Variants in FMN2 observed in about 807,000 individuals in gnomAD.
The protein encoded by FMN2 is formin 2, also known as formin-2.
FMN2 carries 51 observed loss-of-function variants against 142.3 expected under a neutral mutation model. The ratio of observed to expected loss-of-function variants is 0.36; its 90% CI spans 0.29 to 0.45. The LOEUF is 0.45. Ranked by LOEUF, FMN2 falls within the 20% of genes least tolerant of loss-of-function variation. The probability of loss-of-function intolerance (pLI) is 1.00; values close to 1 mark genes in which losing one functional copy is unlikely to be tolerated. For missense variants in FMN2, 1,936 were observed against 2,122.8 expected (o/e 0.91, Z 1.73); for synonymous variants, 882 against 869.8 (o/e 1.01, Z -0.25).
intron 1 of FMN2, among the ~76,000 whole-genome samples, chr1:240,109,826 G>C (rs2103192260): frequency 6.6e-6 from 1 of 152,224 alleles, no homozygotes; most frequent in Non-Finnish European, 1.5e-5. Context: ...TCTTCTACAA[G>C]AGTATGCCAG....
chr1:240,121,655 C>T (rs1662256623), intron 1 of FMN2, among the ~76,000 whole-genome samples: 1 of 138,718 alleles, frequency 7.2e-6, no homozygotes, highest in African/African-American at 2.7e-5. Flanking sequence ...TCCCAAAGTG[C>T]TGGGATTACA....
intron 8 of FMN2, among the ~76,000 whole-genome samples, chr1:240,310,414 A>G (rs1353603382): frequency 1.3e-5 from 2 of 152,160 alleles, no homozygotes; most frequent in African/African-American, 4.8e-5. Flanking sequence ...TTTGGCAGTG[A>G]GCTTTCTCTT....
rs1309189296 is a variant in FMN2, at chr1:240,302,438, CA to C, written c.4215+7562del. On this transcript the variant is annotated intron_variant, in intron 8 of 17. Transcript: ENST00000319653. Reference sequence around the variant, plus strand: ...GAATAAAAGAGATAACAAGGCAACTCAAAAAAAGTAAACTGGTATGTCCAAT... The same window carrying C: ...GAATAAAAGAGATAACAAGGCAACTCAAAAAAGTAAACTGGTATGTCCAAT... Among the ~76,000 whole-genome samples, 8 of 151,402 alleles carry C rather than the reference CA, an allele frequency of 5.3e-5. No individual in the cohort carries two copies. The East Asian group carries it at 1.5e-3, about 29-fold the overall frequency.
intron 13 of FMN2, among the ~76,000 whole-genome samples, chr1:240,346,667 T>C (rs1214411274): frequency 1.3e-5 from 2 of 152,216 alleles, no homozygotes; most frequent in African/African-American, 4.8e-5. Context: ...GTACATGTTA[T>C]GTATGCTCCG....
chr1:240,220,340 G>C (rs995980422), intron 6 of FMN2, among the ~76,000 whole-genome samples: 3 of 152,124 alleles, frequency 2.0e-5, no homozygotes, highest in Admixed American at 2.0e-4. Context: ...GAAGACCATA[G>C]TTCTCTGTCT....
chr1:240,342,213 G>A (rs754872643), intron 13 of FMN2, among the ~76,000 whole-genome samples: 1 of 152,160 alleles, frequency 6.6e-6, no homozygotes. Context: ...ATATGTTACC[G>A]TTCACTGCTC....
chr1:240,449,003 G>C (rs187856300), intron 16 of FMN2, among the ~76,000 whole-genome samples: 3 of 151,854 alleles, frequency 2.0e-5, no homozygotes, highest in East Asian at 1.9e-4. Context: ...TTAGTTGGGC[G>C]TGGTGGCGCC....
chr1:240,135,661 C>T (rs1234005079), intron 2 of FMN2, among the ~76,000 whole-genome samples: 2 of 150,062 alleles, frequency 1.3e-5, no homozygotes, highest in Admixed American at 6.6e-5. Context: ...CTATCATTTT[C>T]GAAAGGACTT....
At chr1:240,442,207 T>C (rs1216464414) in intron 16 of FMN2, among the ~76,000 whole-genome samples, 1 of 152,210 alleles carries the variant, frequency 6.6e-6, no homozygotes, top group Non-Finnish European at 1.5e-5. Flanking sequence ...TAGCTTTAAC[T>C]TCCCAGCTAG....
chr1:240,393,160 C>A (rs1673665781), intron 15 of FMN2, among the ~76,000 whole-genome samples: 1 of 121,896 alleles, frequency 8.2e-6, no homozygotes, highest in Admixed American at 8.7e-5. Flanking sequence ...CTGTGCTTTG[C>A]AGATAAGTGT....
At chr1:240,373,685 T>G (rs1446518806) in intron 14 of FMN2, among the ~76,000 whole-genome samples, 2 of 152,204 alleles carry the variant, frequency 1.3e-5, no homozygotes, top group Non-Finnish European at 1.5e-5. Context: ...CATTCTAGTT[T>G]TCTTGCTGTT....
At chr1:240,376,536 A>T (rs1173477749) in intron 14 of FMN2, among the ~76,000 whole-genome samples, 1 of 152,142 alleles carries the variant, frequency 6.6e-6, no homozygotes, top group Non-Finnish European at 1.5e-5. Flanking sequence ...GTTCGTACCT[A>T]TAGAATGTGT....
chr1:240,389,432 A>G (rs1572258455), intron 14 of FMN2, among the ~76,000 whole-genome samples: 2 of 152,248 alleles, frequency 1.3e-5, no homozygotes, highest in Admixed American at 6.5e-5. Context: ...TACACAGCCT[A>G]TAAAAGTTGT....
chr1:240,441,608 C>CTTTTTTT (rs371621331), intron 16 of FMN2, among the ~76,000 whole-genome samples: 4 of 125,130 alleles, frequency 3.2e-5, no homozygotes, highest in South Asian at 2.6e-4. Context: ...GCATATTGGT[C>CTTTTTTT]TTTTTTTTTT....
At chr1:240,271,116 T>TTTTTTTTTTG (rs1004220760) in intron 7 of FMN2, among the ~76,000 whole-genome samples, 1 of 147,846 alleles carries the variant, frequency 6.8e-6, no homozygotes, top group African/African-American at 2.5e-5. Context: ...TTTTTTTTTT[T>TTTTTTTTTTG]TGTGACTCTG....
chr1:240,276,781 G>A (rs7518628), intron 7 of FMN2, among the ~76,000 whole-genome samples: 1,529 of 152,178 alleles, frequency 0.01, 29 homozygotes, highest in African/African-American at 0.034. Context: ...GTTGCATGTA[G>A]AGTATTTCTA....
At chr1:240,296,331 A>G (rs1669980225) in intron 8 of FMN2, among the ~76,000 whole-genome samples, 2 of 151,830 alleles carry the variant, frequency 1.3e-5, no homozygotes, top group South Asian at 2.1e-4. Flanking sequence ...GTGACATTAA[A>G]TAATATTGAT....
chr1:240,396,832 AT>A (rs1673796654), intron 15 of FMN2, among the ~76,000 whole-genome samples: 1 of 152,128 alleles, frequency 6.6e-6, no homozygotes, highest in Admixed American at 6.5e-5. Flanking sequence ...TGTGTACCAC[AT>A]TTTCTTTATG....
chr1:240,215,215 G>A (rs1558371383), intron 6 of FMN2, among the ~76,000 whole-genome samples: 1 of 152,222 alleles, frequency 6.6e-6, no homozygotes, highest in African/African-American at 2.4e-5. Context: ...TGCAGTAGTA[G>A]TAGTAATAGT....
Sources: gnomAD v4.1 joint callset for allele counts (sites outside exome capture counted in the v4.1 genomes callset) on GRCh38, gnomAD v4.1.1 for gene constraint, MANE v1.5 for transcripts, NCBI Gene and HGNC (gene_info 2026-07-23, HGNC 2026-07-21) for gene names.